Variants in PML observed in about 807,000 individuals in gnomAD.
The protein encoded by PML is protein PML.
PML carries 28 observed loss-of-function variants against 65.2 expected under a neutral mutation model. The ratio of observed to expected loss-of-function variants is 0.43; its 90% confidence interval spans 0.32 to 0.59. The LOEUF (loss-of-function observed/expected upper bound fraction) is 0.59. Among genes scored for constraint, PML ranks in the 20% least tolerant of loss-of-function variants. The pLI is 0.08. For missense variants in PML, 1,021 were observed against 1,203.4 expected (o/e 0.85, Z 2.24); for synonymous variants, 500 against 508.8 (o/e 0.98, Z 0.23).
intron 2 of PML, among the ~76,000 whole-genome samples, chr15:74,015,296 T>C (rs1015068667): frequency 8.5e-5 from 13 of 152,236 alleles, no homozygotes; most frequent in African/African-American, 3.1e-4. Flanking sequence ...AGCAGGAAAC[T>C]GATCTGGTAA....
rs1357118058 is a variant in PML, at chr15:74,045,041, G to A, written c.*33G>A. On this transcript the variant is annotated 3_prime_UTR_variant, in exon 9 of 9. Coordinates refer to ENST00000268058, the MANE Select transcript of PML (RefSeq NM_033238.3). ...GGGTGACCAGCTTGGAGTCTCTGGT[G>A]GGCAGAGAGGGATGGGGTCCCTGAG... 6.5e-7 allele frequency: 1 copy of A among 1,546,206 alleles called. No homozygotes were observed. Among genetic ancestry groups the A allele is most frequent in the Non-Finnish European group, 8.7e-7 (1 of 1,146,618 alleles).
At position 74,042,380 on chromosome 15, in the gene PML, G is replaced by A; in HGVS notation, c.1711-609G>A. 2 of 985,450 alleles carry A rather than the reference G, an allele frequency of 2.0e-6. No individual in the cohort carries two copies. Among genetic ancestry groups the A allele is most frequent in the Non-Finnish European group, 2.4e-6 (2 of 829,934 alleles). The allele number at this position is 985,450 out of a possible 1,614,324, so 61.0% of individuals were successfully genotyped here. On this transcript the variant is annotated intron_variant, in intron 7 of 8. Coordinates refer to ENST00000268058, the MANE Select transcript of PML (RefSeq NM_033238.3). This position sits in a 1 kb window ranked among gnomAD's most constrained non-coding sequence, Gnocchi z 5.3. Reference sequence around the variant, plus strand: ...CCCCTCGCCTTTGTGTAGGACACTGGCACCTCGGCTGACTTCGGGGACAAG... The same window carrying A: ...CCCCTCGCCTTTGTGTAGGACACTGACACCTCGGCTGACTTCGGGGACAAG...
At position 74,043,066 on chromosome 15, in the gene PML, G is replaced by A. The variant is rs769207599; in HGVS notation, c.1788G>A (p.Leu596=). The A allele has an allele frequency of 6.2e-6, 10 of 1,613,480 alleles. No individual in the cohort carries two copies. In the South Asian group the frequency reaches 8.8e-5, roughly 14 times the overall value. The change falls in exon 8 of 9, where the codon CTG becomes CTA. Residue 596 remains leucine, a synonymous_variant. Coordinates refer to ENST00000268058, the MANE Select transcript of PML (RefSeq NM_033238.3). This position sits in a 1 kb window ranked among gnomAD's most constrained non-coding sequence, Gnocchi z 4.3. ...QLEGPSTLRV[L]DENLADPQAE... ...AAGGCCCCAGCACCCTCAGGGTCCT[G>A]GACGAGAACCTTGCTGACCCCCAAG...
intron 2 of PML, among the ~76,000 whole-genome samples, chr15:74,015,946 A>G (rs2070552391): frequency 6.6e-6 from 1 of 152,174 alleles, no homozygotes; most frequent in Non-Finnish European, 1.5e-5. Context: ...TAGGATGGGG[A>G]GACTGAGAAC....
In PML at chr15:74,043,219, G is replaced by A. The variant is rs1324241416; in HGVS notation, c.1861+80G>A. The A allele has an allele frequency of 1.9e-6, 3 of 1,612,566 alleles. No individual in the cohort carries two copies. The highest frequency in any genetic ancestry group is 1.7e-5 in the Admixed American group (1 of 59,790). The stretch of plus-strand genomic sequence containing the variant: ...AAAAGAAGTGCAGGCAGAGCCATCT[G>A]CCAGGCCCAGGAGAGCTCTGAGCTC... On this transcript the variant is annotated intron_variant, in intron 8 of 8. Transcript: ENST00000268058. The surrounding 1 kb of genome is among the most constrained non-coding windows in gnomAD (Gnocchi z 4.3).
At chr15:74,036,166 A>G in intron 7 of PML, 1 of 1,603,244 alleles carries the variant, frequency 6.2e-7, no homozygotes, top group East Asian at 2.2e-5. Flanking sequence ...GGCATGGCTG[A>G]GATTCAAGCC....
chr15:74,022,698 G>A, intron 2 of PML, 130 bp from the exon 3 acceptor site: 1 of 797,938 alleles, frequency 1.3e-6, no homozygotes, highest in Non-Finnish European at 2.1e-6. Flanking sequence ...ACTGAATTAG[G>A]AAAAGCAGAA....
chr15:74,043,184 C>T lies in PML; in HGVS notation c.1861+45C>T. 6.2e-7 allele frequency: 1 copy of T among 1,614,060 alleles called. No individual in the cohort carries two copies. Among genetic ancestry groups the T allele is most frequent in the African/African-American group, 1.3e-5 (1 of 75,010 alleles). ...CCCCCACCCCTTTCTAATTTAGTCT[C>T]TGAGTCCCAAAAAGAAGTGCAGGCA... On this transcript the variant is annotated intron_variant, in intron 8 of 8. Coordinates refer to ENST00000268058, the MANE Select transcript of PML (RefSeq NM_033238.3). The surrounding 1 kb of genome is among the most constrained non-coding windows in gnomAD (Gnocchi z 4.3).
rs2070934387 is a variant in PML at position 74,023,417 on chromosome 15, G to A, written c.1183+9G>A. ...CATCACCCAGGGGAAAGGTAAGCAC[G>A]CACGCCACCTTCCTGGGCGGCCTGT... On this transcript the variant is annotated intron_variant, in intron 3 of 8. Transcript: ENST00000268058. 1 of 1,593,632 alleles carries A rather than the reference G, an allele frequency of 6.3e-7. No homozygotes were observed. Among genetic ancestry groups the A allele is most frequent in the Non-Finnish European group, 8.5e-7 (1 of 1,176,208 alleles).
chr15:74,034,248 A>G (rs2071442956), intron 6 of PML: 1 of 606,440 alleles, frequency 1.6e-6, no homozygotes, highest in Admixed American at 2.6e-5. Context: ...TTAATTGAAT[A>G]TTCATAGATA....
At chr15:74,012,765 C>G (rs1010793306) in intron 2 of PML, among the ~76,000 whole-genome samples, 3 of 152,184 alleles carry the variant, frequency 2.0e-5, no homozygotes, top group Non-Finnish European at 4.4e-5. Context: ...ACTTTAACAT[C>G]ACTTTTCCCA....
intron 2 of PML, among the ~76,000 whole-genome samples, chr15:74,019,810 AC>A (rs2141821988): frequency 6.6e-6 from 1 of 152,260 alleles, no homozygotes; most frequent in South Asian, 2.1e-4. Flanking sequence ...CCTATTATTA[AC>A]CTCATTTCTC....
Position 74,037,658 on chromosome 15 carries a change from C to T in PML, c.1710+3128C>T, listed in dbSNP as rs2071601593. On this transcript the variant is annotated intron_variant, in intron 7 of 8. Transcript: ENST00000268058. The surrounding 1 kb of genome is among the most constrained non-coding windows in gnomAD (Gnocchi z 4.2). ...CTCTAGGTGCAGTGTCGCGTTTAGT[C>T]GTTATTATTCTTGACCGGCGCTGGG... The T allele has an allele frequency of 2.0e-6, 2 of 985,332 alleles. No homozygotes were observed. Among genetic ancestry groups the T allele is most frequent in the South Asian group, 4.7e-5 (1 of 21,276 alleles). The allele number at this position is 985,332 out of a possible 1,614,324, so 61.0% of individuals were successfully genotyped here. A position where few individuals can be genotyped will look rare whatever the true frequency, so the allele number is the denominator to read the frequency against.
rs753021611 is a variant in PML, at chr15:74,044,268, C to T, written c.1909C>T (p.Arg637Cys). Residue 637 changes from arginine to cysteine, a missense_variant, in exon 9 of 9, where the codon CGC becomes TGC. Physicochemically the swap from Arg to Cys is radical, Grantham distance 180. Transcript: ENST00000268058. ...LAAVNRESKF[R>C]VVIQPEAFFS... ...TGCGGTGAACCGGGAAAGCAAGTTC[C>T]GCGTGGTCATCCAGCCTGAAGCCTT... 41 of 1,613,882 alleles carry T rather than the reference C, an allele frequency of 2.5e-5. No homozygotes were observed. Among genetic ancestry groups the T allele is most frequent in the Non-Finnish European group, 3.4e-5 (40 of 1,180,026 alleles).
At chr15:74,036,242 G>A (rs1318460895) in intron 7 of PML, 10 of 1,511,650 alleles carry the variant, frequency 6.6e-6, no homozygotes, top group Non-Finnish European at 8.8e-6. Context: ...TGTATTCTGA[G>A]TCCCTGGCCA....
Position 74,047,621 on chromosome 15 carries a change from C to T in PML, c.*2613C>T, listed in dbSNP as rs939325825. ...TGGCACATTAACCTCCCTCCTTGAT[C>T]CTCAGGCTGCACCTCTGGCAAATGG... On this transcript the variant is annotated 3_prime_UTR_variant, in exon 9 of 9. Coordinates refer to ENST00000268058, the MANE Select transcript of PML (RefSeq NM_033238.3). The T allele has an allele frequency of 5.2e-5, 11 of 209,564 alleles. No individual in the cohort carries two copies. Among genetic ancestry groups the T allele is most frequent in the Admixed American group, 1.8e-4 (3 of 16,912 alleles). 13.0% of individuals were successfully genotyped at this position (209,564 alleles called of 1,614,324 possible).
rs762214399 is a variant in PML, at chr15:74,044,874, C to A, written c.2515C>A (p.Pro839Thr). 9 of 1,613,548 alleles carry A rather than the reference C, an allele frequency of 5.6e-6. No individual in the cohort carries two copies. The highest frequency in any genetic ancestry group is 7.6e-6 in the Non-Finnish European group (9 of 1,180,016). Residue 839 changes from proline to threonine, a missense_variant, in exon 9 of 9, where the codon CCT becomes ACT. Coordinates refer to ENST00000268058, the MANE Select transcript of PML (RefSeq NM_033238.3). ...GACCACCACGTTGCCCCCTGCCCAG[C>A]CTGCTTTCAACCTGCAGGCTCTGGG... Reference protein sequence around the residue: ...LQTTTLPPAQPAFNLQALGTY... With the variant: ...LQTTTLPPAQTAFNLQALGTY...
At chr15:73,999,667 A>G (rs1186322124) in intron 2 of PML, among the ~76,000 whole-genome samples, 1 of 152,156 alleles carries the variant, frequency 6.6e-6, no homozygotes, top group Non-Finnish European at 1.5e-5. Context: ...TAAAGAATTC[A>G]GGAACAAATT....
intron 2 of PML, among the ~76,000 whole-genome samples, chr15:74,019,140 A>G (rs11072467): frequency 0.5 from 75,794 of 151,996 alleles, 19,386 homozygotes; most frequent in Non-Finnish European, 0.56. Flanking sequence ...ATTTCCATCT[A>G]GAGGGAAAGC....
Sources: gnomAD v4.1 joint callset for allele counts (sites outside exome capture counted in the v4.1 genomes callset) on GRCh38, gnomAD v4.1.1 for gene constraint, Gnocchi (gnomAD v3.1) non-coding constraint, MANE v1.5 for transcripts, NCBI Gene and HGNC (gene_info 2026-07-23, HGNC 2026-07-21) for gene names.